IDO2: variants seen among roughly 807,000 people sequenced by gnomAD.
IDO2 encodes indoleamine 2,3-dioxygenase 2, also known as indoleamine 2,3-dioxygenase-like 1 protein.
Under a neutral mutation model 45.1 loss-of-function variants are expected in IDO2, and 46 were observed. That is an observed-to-expected ratio of 1.02 (90% confidence interval 0.80 to 1.30). The LOEUF is 1.30. IDO2 is among the 50% of genes most tolerant of loss of function. The pLI, the probability that IDO2 is intolerant of heterozygous loss-of-function variation, is 0.00. For synonymous variants in IDO2, 218 were observed against 184.9 expected (o/e 1.18, Z -1.45); for missense variants, 544 against 491.8 (o/e 1.11, Z -1.00).
intron 9 of IDO2, among the ~76,000 whole-genome samples, chr8:40,013,254 T>A (rs1802334280): frequency 6.6e-6 from 1 of 152,180 alleles, no homozygotes; most frequent in Non-Finnish European, 1.5e-5. Context: ...ACTGAGGACA[T>A]CTTTATAACT....
chr8:39,965,829 G>A (rs1041605133), intron 3 of IDO2, among the ~76,000 whole-genome samples: 1 of 152,036 alleles, frequency 6.6e-6, no homozygotes, highest in African/African-American at 2.4e-5. Flanking sequence ...GACAGGCATG[G>A]AACAGAATGG....
rs928542812 is a variant in IDO2, at chr8:39,959,173, G to A, written c.100-4435G>A. 2.0e-5 allele frequency among the ~76,000 whole-genome samples: 3 copies of A among 150,922 alleles called. No individual in the cohort carries two copies. The East Asian group carries it at 5.8e-4, about 29-fold the overall frequency. ...CGCCCAGGCTGGAGTGCAGTGGTGC[G>A]ATTGGCTCACTGCAAGCTCTGCCTC... On this transcript the variant is annotated intron_variant, in intron 2 of 10. Coordinates refer to ENST00000502986, the Ensembl canonical transcript of IDO2.
Position 39,994,842 on chromosome 8 carries a change from G to T in IDO2, c.667+5004G>T, listed in dbSNP as rs549712620. ...ACCTTCAGATTAATTAACACCAAAA[G>T]AATAATTGGGAAAATACAACTCCTC... On this transcript the variant is annotated intron_variant, in intron 8 of 10. Transcript: ENST00000502986. 2.0e-5 allele frequency among the ~76,000 whole-genome samples: 3 copies of T among 151,798 alleles called. No homozygotes were observed. In the South Asian group the frequency reaches 6.3e-4, roughly 32 times the overall value.
intron 3 of IDO2, among the ~76,000 whole-genome samples, chr8:39,973,550 T>C (rs993546766): frequency 3.9e-5 from 6 of 152,048 alleles, no homozygotes; most frequent in African/African-American, 1.4e-4. Context: ...AATGTGACTG[T>C]GAAATAAGAA....
At chr8:40,011,440 A>G (rs1326219087) in intron 9 of IDO2, among the ~76,000 whole-genome samples, 1 of 152,210 alleles carries the variant, frequency 6.6e-6, no homozygotes, top group Non-Finnish European at 1.5e-5. Context: ...TATGTCTTTC[A>G]TGTTTCTTCC....
intron 3 of IDO2, among the ~76,000 whole-genome samples, chr8:39,967,446 T>C (rs1355328257): frequency 6.6e-6 from 1 of 152,174 alleles, no homozygotes; most frequent in African/African-American, 2.4e-5. Context: ...ACAGAGTAAA[T>C]ACATACGACT....
At chr8:39,938,286 T>TATCTA (rs1563421658) in intron 1 of IDO2, among the ~76,000 whole-genome samples, 9 of 65,434 alleles carry the variant, frequency 1.4e-4, no homozygotes, top group Admixed American at 2.5e-4. Context: ...CTACAAAAAA[T>TATCTA]TCTCTATCTA....
intron 1 of IDO2, among the ~76,000 whole-genome samples, chr8:39,936,677 T>C (rs898885825): frequency 6.6e-6 from 1 of 152,178 alleles, no homozygotes; most frequent in African/African-American, 2.4e-5. Flanking sequence ...GTAGTAACCT[T>C]AGAGGCATTC....
chr8:39,953,364 C>T (rs761325684), intron 2 of IDO2, among the ~76,000 whole-genome samples: 61 of 152,090 alleles, frequency 4.0e-4, no homozygotes, highest in Admixed American at 2.0e-4. Flanking sequence ...CGAAGCTCCA[C>T]CTAGAATAGT....
At chr8:39,939,698 TAAA>T (rs371069586) in intron 1 of IDO2, among the ~76,000 whole-genome samples, 2 of 140,648 alleles carry the variant, frequency 1.4e-5, no homozygotes, top group African/African-American at 5.3e-5. Flanking sequence ...ATAAAAGAGT[TAAA>T]AAAAAAAAAA....
At chr8:40,004,307 A>T (rs185248498) in intron 8 of IDO2, among the ~76,000 whole-genome samples, 5 of 152,308 alleles carry the variant, frequency 3.3e-5, no homozygotes. Context: ...CAGGAAGAAG[A>T]AATAGGATCA....
chr8:39,947,171 C>A (rs1340904443), intron 1 of IDO2, among the ~76,000 whole-genome samples: 322 of 79,914 alleles, frequency 4.0e-3, no homozygotes, highest in African/African-American at 6.2e-3. Flanking sequence ...GCTAAGGTAT[C>A]AAAAAAAAAA....
At chr8:40,008,046 T>C (rs1438277224) in intron 9 of IDO2, among the ~76,000 whole-genome samples, 6 of 20,944 alleles carry the variant, frequency 2.9e-4, no homozygotes, top group African/African-American at 7.0e-4. Flanking sequence ...GCACTGGCAC[T>C]TTTTTTTTTT....
At chr8:39,944,087 CT>C (rs144078097) in intron 1 of IDO2, among the ~76,000 whole-genome samples, 1 of 151,782 alleles carries the variant, frequency 6.6e-6, no homozygotes, top group South Asian at 2.1e-4. Context: ...GAGCTTCCTG[CT>C]TTTTTTTAGC....
At chr8:39,987,840 C>T (rs749340669) in intron 6 of IDO2, 31 bp from the exon 7 acceptor site, 2 of 1,338,242 alleles carry the variant, frequency 1.5e-6, no homozygotes, top group Admixed American at 1.8e-5. Context: ...AGTCTCCACA[C>T]CTCTAATCAT....
intron 7 of IDO2, among the ~76,000 whole-genome samples, 195 bp from the exon 8 acceptor site, chr8:39,989,526 G>A (rs977231891): frequency 6.6e-6 from 1 of 152,154 alleles, no homozygotes; most frequent in African/African-American, 2.4e-5. Flanking sequence ...CACTTACCTA[G>A]GGGTCTGTCT....
intron 1 of IDO2, among the ~76,000 whole-genome samples, chr8:39,947,426 G>A (rs1420911297): frequency 6.6e-6 from 1 of 152,068 alleles, no homozygotes; most frequent in Non-Finnish European, 1.5e-5. Context: ...ATTTTCCCTG[G>A]CATGTTTATA....
chr8:39,939,620 T>C (rs1807613811), intron 1 of IDO2, among the ~76,000 whole-genome samples: 2 of 149,864 alleles, frequency 1.3e-5, no homozygotes, highest in Admixed American at 6.7e-5. Flanking sequence ...TTGCAGTCTT[T>C]ACGTATTTAT....
intron 1 of IDO2, among the ~76,000 whole-genome samples, chr8:39,942,223 C>T (rs1036109404): frequency 2.0e-5 from 3 of 152,186 alleles, no homozygotes; most frequent in African/African-American, 7.2e-5. Context: ...TGTAATGTCT[C>T]TGGGATAAAC....
Sources: allele counts gnomAD v4.1 joint callset (sites outside exome capture counted in the v4.1 genomes callset), GRCh38; gene constraint gnomAD v4.1.1; transcripts MANE v1.5; gene names NCBI Gene and HGNC (gene_info 2026-07-23, HGNC 2026-07-21).